Variants in DCDC2 observed in about 807,000 individuals in gnomAD.
DCDC2 encodes doublecortin domain-containing protein 2.
A neutral mutation model predicts 50.2 loss-of-function variants in DCDC2; 40 were observed. The ratio of observed to expected loss-of-function variants is 0.80; its 90% CI spans 0.62 to 1.04. DCDC2 has a LOEUF of 1.04. DCDC2 is among the 50% of genes least tolerant of loss of function. The probability of loss-of-function intolerance (pLI) is 0.00; values close to 1 mark genes in which losing one functional copy is unlikely to be tolerated. For synonymous variants in DCDC2, 234 were observed against 210.6 expected (o/e 1.11, Z -0.96); for missense variants, 570 against 581.9 (o/e 0.98, Z 0.21).
intron 8 of DCDC2, among the ~76,000 whole-genome samples, chr6:24,192,910 T>A (rs1343624): frequency 6.6e-6 from 1 of 151,852 alleles, no homozygotes; most frequent in Non-Finnish European, 1.5e-5. Flanking sequence ...CCATTGAGTA[T>A]CCAGTCCAAT....
intron 8 of DCDC2, among the ~76,000 whole-genome samples, chr6:24,189,097 C>T (rs1761262520): frequency 6.6e-6 from 1 of 152,094 alleles, no homozygotes; most frequent in Admixed American, 6.6e-5. Flanking sequence ...TCGACACCAG[C>T]GTTGGCATTT....
At chr6:24,271,434 G>A (rs1382014638) in intron 7 of DCDC2, among the ~76,000 whole-genome samples, 1 of 152,060 alleles carries the variant, frequency 6.6e-6, no homozygotes, top group East Asian at 1.9e-4. Context: ...AAGAAATAAA[G>A]ATGTGACAAT....
At chr6:24,334,371 T>C (rs1581657900) in intron 2 of DCDC2, among the ~76,000 whole-genome samples, 1 of 152,302 alleles carries the variant, frequency 6.6e-6, no homozygotes, top group Non-Finnish European at 1.5e-5. Flanking sequence ...AAGGTTAAGA[T>C]GCCAAATTTT....
chr6:24,350,816 C>A (rs1561784478), intron 2 of DCDC2, among the ~76,000 whole-genome samples: 1 of 152,182 alleles, frequency 6.6e-6, no homozygotes, highest in East Asian at 1.9e-4. Context: ...GATGTGCAAT[C>A]TTTTCTCAAC....
chr6:24,176,012 G>T (rs1334337351), intron 9 of DCDC2, among the ~76,000 whole-genome samples: 1 of 152,078 alleles, frequency 6.6e-6, no homozygotes, highest in East Asian at 1.9e-4. Flanking sequence ...CCCTAATTAG[G>T]CCGGGCATGG....
At chr6:24,296,281 T>A (rs1759237606) in intron 4 of DCDC2, among the ~76,000 whole-genome samples, 1 of 152,118 alleles carries the variant, frequency 6.6e-6, no homozygotes, top group South Asian at 2.1e-4. Context: ...CAGATACAGA[T>A]GACTGAAATT....
At chr6:24,322,845 C>A (rs999452797) in intron 2 of DCDC2, among the ~76,000 whole-genome samples, 3 of 152,154 alleles carry the variant, frequency 2.0e-5, no homozygotes, top group African/African-American at 7.2e-5. Flanking sequence ...TAAAACCAAG[C>A]TGTACCCCGA....
At chr6:24,205,156 C>A in intron 7 of DCDC2, 54 bp from the exon 8 acceptor site, 1 of 1,614,094 alleles carries the variant, frequency 6.2e-7, no homozygotes, top group African/African-American at 1.3e-5. Flanking sequence ...CATCGTGTGG[C>A]TGAATGCTGG....
chr6:24,295,837 G>C (rs1209961917), intron 4 of DCDC2, among the ~76,000 whole-genome samples: 1 of 151,870 alleles, frequency 6.6e-6, no homozygotes, highest in African/African-American at 2.4e-5. Context: ...CAAACAAACA[G>C]GAAAAAACAG....
chr6:24,191,055 G>A (rs1561883991), intron 8 of DCDC2, among the ~76,000 whole-genome samples: 1 of 152,038 alleles, frequency 6.6e-6, no homozygotes, highest in Non-Finnish European at 1.5e-5. Flanking sequence ...TCCACTGTGG[G>A]GTTTTGTTTC....
At chr6:24,248,634 C>G (rs942326741) in intron 7 of DCDC2, among the ~76,000 whole-genome samples, 1 of 151,940 alleles carries the variant, frequency 6.6e-6, no homozygotes, top group Non-Finnish European at 1.5e-5. Context: ...TACTAAGAGG[C>G]GAATTTAATT....
intron 2 of DCDC2, among the ~76,000 whole-genome samples, chr6:24,314,309 C>CA (rs1339638907): frequency 4.0e-5 from 6 of 151,892 alleles, no homozygotes; most frequent in Non-Finnish European, 5.9e-5. Flanking sequence ...CTTGTTTCTA[C>CA]AAAAAGGTTT....
chr6:24,358,811 T>C (rs1340417505), upstream of DCDC2, among the ~76,000 whole-genome samples: 8 of 28,272 alleles, frequency 2.8e-4, no homozygotes, highest in African/African-American at 8.2e-4. Flanking sequence ...ATATATTATA[T>C]ATAAATATAT....
intron 2 of DCDC2, among the ~76,000 whole-genome samples, chr6:24,328,452 T>C (rs1040348257): frequency 1.3e-5 from 2 of 152,194 alleles, no homozygotes; most frequent in Non-Finnish European, 1.5e-5. Flanking sequence ...CAGGGGGAGT[T>C]TGTATAGTTT....
intron 7 of DCDC2, among the ~76,000 whole-genome samples, chr6:24,225,638 T>C (rs1238592037): frequency 6.6e-6 from 1 of 152,144 alleles, no homozygotes. Flanking sequence ...AAATTTCTAA[T>C]GTCAGCAAGC....
At chr6:24,287,024 C>T (rs2052841999) in intron 6 of DCDC2, among the ~76,000 whole-genome samples, 6 of 152,178 alleles carry the variant, frequency 3.9e-5, no homozygotes, top group Admixed American at 3.9e-4. Context: ...TGAAGTCTTC[C>T]TCCATGTAAA....
At chr6:24,271,940 C>T (rs1456824755) in intron 7 of DCDC2, among the ~76,000 whole-genome samples, 1 of 152,128 alleles carries the variant, frequency 6.6e-6, no homozygotes, top group Non-Finnish European at 1.5e-5. Flanking sequence ...CGTCTTCAAA[C>T]TCAACCCTGG....
chr6:24,341,227 G>A (rs1178438624), intron 2 of DCDC2, among the ~76,000 whole-genome samples: 2 of 152,122 alleles, frequency 1.3e-5, no homozygotes, highest in African/African-American at 2.4e-5. Context: ...ATTAGACACT[G>A]CAAATATAAA....
Position 24,193,813 on chromosome 6 carries a change from C to A in DCDC2, c.1023+11189G>T, listed in dbSNP as rs138964640. 4.3e-3 allele frequency among the ~76,000 whole-genome samples: 661 copies of A among 152,042 alleles called. 6 individuals carry two copies. The highest frequency in any genetic ancestry group is 0.015 in the African/African-American group (614 of 41,484). ...GAGTTTGGGAAAAAATCTAAATAATCATCTTCCATAGTAATTACATAAAAA... is the reference window on the plus strand; with the variant it reads ...GAGTTTGGGAAAAAATCTAAATAATAATCTTCCATAGTAATTACATAAAAA... On this transcript the variant is annotated intron_variant, in intron 8 of 9. Transcript: ENST00000378454.
Sources: gnomAD v4.1 joint callset for allele counts (sites outside exome capture counted in the v4.1 genomes callset) on GRCh38, gnomAD v4.1.1 for gene constraint, MANE v1.5 for transcripts, NCBI Gene and HGNC (gene_info 2026-07-23, HGNC 2026-07-21) for gene names.